Variants in STK32A observed in about 807,000 individuals in gnomAD.
STK32A encodes serine/threonine-protein kinase 32A.
Under a neutral mutation model 53.2 loss-of-function variants are expected in STK32A, and 41 were observed. The observed-to-expected ratio is 0.77, with a 90% confidence interval of 0.60 to 1.00. The LOEUF (loss-of-function observed/expected upper bound fraction) is 1.00, where lower values mean the gene tolerates loss of function less well. Among genes scored for constraint, STK32A ranks in the 50% least tolerant of loss-of-function variants. The probability of loss-of-function intolerance (pLI) is 0.00; values close to 1 mark genes in which losing one functional copy is unlikely to be tolerated. For missense variants in STK32A, 458 were observed against 485.8 expected, an observed-to-expected ratio of 0.94 and a Z score of 0.54; for synonymous variants, 166 against 162.8, an observed-to-expected ratio of 1.02 and a Z score of -0.15.
At chr5:147,392,985 A>G in the STK32A span, 5 of 152,224 alleles carry the variant, frequency 3.3e-5, no homozygotes, top group African/African-American at 7.2e-5. Context: ...TTTATCATGG[A>G]TGTGCCAGGA....
chr5:147,257,464 G>C (rs980669910), intron 2 of STK32A, among the ~76,000 whole-genome samples: 1 of 152,138 alleles, frequency 6.6e-6, no homozygotes, highest in African/African-American at 2.4e-5. Context: ...AAATTGACTT[G>C]GTTATGTTAA....
At chr5:147,247,776 T>G (rs934176674) in intron 2 of STK32A, among the ~76,000 whole-genome samples, 3 of 152,160 alleles carry the variant, frequency 2.0e-5, no homozygotes, top group Non-Finnish European at 4.4e-5. Context: ...TCAAAAATAT[T>G]TTTTGCATAA....
chr5:147,372,154 TC>T (rs768024792), intron 9 of STK32A, among the ~76,000 whole-genome samples: 2 of 152,000 alleles, frequency 1.3e-5, no homozygotes, highest in African/African-American at 4.8e-5. Context: ...CATCAGATTT[TC>T]AAGGTACCCA....
downstream of STK32A, among the ~76,000 whole-genome samples, chr5:147,389,863 T>G (rs1393243323): frequency 6.6e-6 from 1 of 151,936 alleles, no homozygotes; most frequent in Non-Finnish European, 1.5e-5. Flanking sequence ...AGAGGGACAC[T>G]CATCTCAAAT....
intron 2 of STK32A, among the ~76,000 whole-genome samples, chr5:147,255,384 G>T (rs1183602877): frequency 6.6e-6 from 1 of 152,174 alleles, no homozygotes; most frequent in East Asian, 1.9e-4. Context: ...ATGAGCCTCT[G>T]CATCTACTTA....
intron 4 of STK32A, among the ~76,000 whole-genome samples, chr5:147,320,643 C>T (rs949832264): frequency 4.6e-5 from 7 of 152,138 alleles, no homozygotes; most frequent in African/African-American, 1.2e-4. Context: ...TGGCATTGCA[C>T]GTAACAGGGG....
At chr5:147,251,042 C>A (rs1283508839) in intron 2 of STK32A, among the ~76,000 whole-genome samples, 1 of 151,536 alleles carries the variant, frequency 6.6e-6, no homozygotes, top group African/African-American at 2.4e-5. Context: ...AGAGATGATG[C>A]CTAATATAAT....
chr5:147,351,738 T>A (rs1194692459), intron 7 of STK32A, among the ~76,000 whole-genome samples: 2 of 152,064 alleles, frequency 1.3e-5, no homozygotes, highest in African/African-American at 4.8e-5. Context: ...TCCCAGCTAC[T>A]CGGGGGGCTG....
intron 2 of STK32A, among the ~76,000 whole-genome samples, chr5:147,267,423 A>G (rs983716226): frequency 6.6e-5 from 10 of 152,206 alleles, no homozygotes; most frequent in Non-Finnish European, 1.5e-5. Context: ...ATTTAAGTCC[A>G]AACCCTGACC....
At chr5:147,256,014 A>G (rs1754219584) in intron 2 of STK32A, among the ~76,000 whole-genome samples, 2 of 152,178 alleles carry the variant, frequency 1.3e-5, no homozygotes, top group African/African-American at 4.8e-5. Context: ...GTCAGGGTGA[A>G]AGGGATAGCC....
At chr5:147,238,161 T>C (rs1413943594) in intron 1 of STK32A, among the ~76,000 whole-genome samples, 1 of 152,260 alleles carries the variant, frequency 6.6e-6, no homozygotes, top group Non-Finnish European at 1.5e-5. Context: ...AATATTATTT[T>C]GTACAAAATC....
rs770217145 is a variant in STK32A at position 147,375,138 on chromosome 5, T to C, written c.952T>C (p.Leu318=). 1.2e-6 allele frequency: 2 copies of C among 1,609,280 alleles called. No homozygotes were observed. The highest frequency in any genetic ancestry group is 1.1e-5 in the South Asian group (1 of 89,810). ...TACCTTTGAACTTGAGGAAATGATTTTGGAGTCCAAACCTCTACATAAGAA... is the reference window on the plus strand; with the variant it reads ...TACCTTTGAACTTGAGGAAATGATTCTGGAGTCCAAACCTCTACATAAGAA... The part of the protein sequence containing the change: ...DPTFELEEMI[L]ESKPLHKKKK... The change falls in exon 11 of 13, where the codon TTG becomes CTG. Residue 318 remains leucine (L), a synonymous_variant. Coordinates refer to ENST00000397936, the MANE Select transcript of STK32A (RefSeq NM_001112724.2).
chr5:147,370,752 G>T lies in STK32A; in HGVS notation c.759G>T (p.Met253Ile). Reference protein sequence around the residue: ...VTYPSAWSQEMVSLLKKLLEP... With the variant: ...VTYPSAWSQEIVSLLKKLLEP... ...ACCCTTCTGCCTGGTCACAGGAAAT[G>T]GTGTCACTTCTTAAAAAGGTAAGAA... Residue 253 changes from methionine (M) to isoleucine (I), a missense_variant, in exon 9 of 13, where the codon ATG (methionine) becomes ATT (isoleucine). Met to Ile is a conservative substitution (Grantham distance 10). Transcript: ENST00000397936. 6.2e-7 allele frequency: 1 copy of T among 1,610,744 alleles called. No homozygotes were observed. Among genetic ancestry groups the T allele is most frequent in the South Asian group, 1.1e-5 (1 of 90,966 alleles).
At chr5:147,318,037 ACTAT>A (rs1754094755) in intron 4 of STK32A, among the ~76,000 whole-genome samples, 2 of 152,134 alleles carry the variant, frequency 1.3e-5, no homozygotes, top group South Asian at 4.1e-4. Flanking sequence ...CATTTATGTA[ACTAT>A]CTTATTTTCA....
chr5:147,299,485 T>G (rs1753026795), intron 4 of STK32A, among the ~76,000 whole-genome samples: 1 of 152,170 alleles, frequency 6.6e-6, no homozygotes, highest in Non-Finnish European at 1.5e-5. Context: ...TTTACCCAGC[T>G]CCTATTTAAG....
chr5:147,304,728 A>G (rs1320129264), intron 4 of STK32A, among the ~76,000 whole-genome samples: 1 of 152,226 alleles, frequency 6.6e-6, no homozygotes, highest in African/African-American at 2.4e-5. Flanking sequence ...CCATCCTGGA[A>G]TCTTCCAGAG....
intron 5 of STK32A, among the ~76,000 whole-genome samples, chr5:147,342,298 G>A (rs1561733697): frequency 6.6e-6 from 1 of 152,138 alleles, no homozygotes; most frequent in African/African-American, 2.4e-5. Context: ...AGAACCAAGT[G>A]TGTGATAAAC....
chr5:147,356,249 G>A (rs1219183397), intron 7 of STK32A, among the ~76,000 whole-genome samples: 1 of 152,160 alleles, frequency 6.6e-6, no homozygotes, highest in Non-Finnish European at 1.5e-5. Context: ...GATGAAGGTA[G>A]AATGTCTGAC....
intron 2 of STK32A, among the ~76,000 whole-genome samples, chr5:147,242,973 T>C (rs946446292): frequency 6.6e-6 from 1 of 152,228 alleles, no homozygotes; most frequent in Non-Finnish European, 1.5e-5. Flanking sequence ...TATGTCATTT[T>C]TGATATCCAT....
Sources: allele counts gnomAD v4.1 joint callset (sites outside exome capture counted in the v4.1 genomes callset), GRCh38; gene constraint gnomAD v4.1.1; transcripts MANE v1.5; gene names NCBI Gene and HGNC (gene_info 2026-07-23, HGNC 2026-07-21).